TMEM116: variants seen among roughly 807,000 people sequenced by gnomAD.
TMEM116 encodes transmembrane protein 116.
TMEM116 carries 38 observed loss-of-function variants against 44.3 expected under a neutral mutation model. The ratio of observed to expected loss-of-function variants is 0.86; its 90% confidence interval spans 0.66 to 1.12. The LOEUF is 1.12. Among genes scored for constraint, TMEM116 ranks in the 50% most tolerant of loss-of-function variants. The pLI is 0.00. For missense variants in TMEM116, 354 were observed against 401.7 expected (o/e 0.88, Z 1.01); for synonymous variants, 132 against 144.8 (o/e 0.91, Z 0.64).
intron 5 of TMEM116, among the ~76,000 whole-genome samples, chr12:111,940,553 A>ATATGTG (rs1275181181): frequency 2.0e-4 from 25 of 126,286 alleles, no homozygotes; most frequent in African/African-American, 6.1e-4. Flanking sequence ...ATACACACAC[A>ATATGTG]CATATATATG....
At chr12:111,975,540 G>C (rs1273115116) in intron 4 of TMEM116, among the ~76,000 whole-genome samples, 1 of 152,186 alleles carries the variant, frequency 6.6e-6, no homozygotes, top group Non-Finnish European at 1.5e-5. Flanking sequence ...CACAATTGGA[G>C]AGCTAATACT....
intron 5 of TMEM116, 149 bp downstream of exon 5, chr12:111,943,116 G>C (rs947084075): frequency 4.3e-5 from 29 of 669,972 alleles, no homozygotes; most frequent in Non-Finnish European, 7.4e-5. Context: ...GTAGAGATGG[G>C]CTTTCACCAC....
intron 4 of TMEM116, among the ~76,000 whole-genome samples, chr12:111,964,480 AC>A (rs2074847956): frequency 6.6e-6 from 1 of 152,040 alleles, no homozygotes; most frequent in East Asian, 1.9e-4. Flanking sequence ...CACACAGATG[AC>A]ATTATGAACA....
intron 3 of TMEM116, among the ~76,000 whole-genome samples, chr12:111,998,671 A>G (rs1268918341): frequency 6.6e-6 from 1 of 152,178 alleles, no homozygotes; most frequent in East Asian, 1.9e-4. Flanking sequence ...ATACAAAAAA[A>G]TTAGCCAGGC....
At chr12:111,935,146 G>T (rs2072032996) in intron 8 of TMEM116, 1 of 152,198 alleles carries the variant, frequency 6.6e-6, no homozygotes, top group Admixed American at 6.5e-5. Context: ...CCGGGCTGGA[G>T]TGCAGTGGCA....
At chr12:111,938,248 T>C (rs1161057729) in intron 5 of TMEM116, 38 bp from the exon 6 acceptor site, 2 of 1,419,158 alleles carry the variant, frequency 1.4e-6, no homozygotes, top group African/African-American at 1.5e-5. Flanking sequence ...TCTTAAGACA[T>C]TGTCAATCAT....
At chr12:111,968,388 C>T (rs2075105829) in intron 4 of TMEM116, among the ~76,000 whole-genome samples, 2 of 152,110 alleles carry the variant, frequency 1.3e-5, no homozygotes, top group Admixed American at 6.5e-5. Flanking sequence ...AAAAGCAAGA[C>T]CTGAATGATT....
chr12:111,959,778 A>T (rs1248281891), intron 4 of TMEM116, among the ~76,000 whole-genome samples: 1 of 152,248 alleles, frequency 6.6e-6, no homozygotes, highest in Non-Finnish European at 1.5e-5. Flanking sequence ...ACATAATGGT[A>T]AAGGGATCAA....
intron 6 of TMEM116, among the ~76,000 whole-genome samples, chr12:111,937,804 TAA>T (rs1275145230): frequency 6.6e-6 from 1 of 152,228 alleles, no homozygotes; most frequent in Non-Finnish European, 1.5e-5. Flanking sequence ...TCTGTAATCC[TAA>T]GAGTCTTACC....
intron 3 of TMEM116, chr12:111,993,778 G>A: frequency 1.4e-6 from 1 of 722,354 alleles, no homozygotes; most frequent in Non-Finnish European, 2.6e-6. Context: ...TGTAACATTT[G>A]TAGCAGGTTA....
intron 2 of TMEM116, among the ~76,000 whole-genome samples, chr12:112,004,955 CTT>C (rs2077498760): frequency 1.3e-5 from 2 of 152,142 alleles, no homozygotes; most frequent in South Asian, 4.1e-4. Flanking sequence ...CCAATTTTCT[CTT>C]TGTCATTCCA....
rs2071641517 is a variant in TMEM116 at position 111,931,616 on chromosome 12, T to C, written c.*5A>G. On this transcript the variant is annotated 3_prime_UTR_variant, in exon 11 of 11. Coordinates refer to ENST00000552374, the MANE Select transcript of TMEM116 (RefSeq NM_001193531.2). ...CCAGTTCCTGGATGTTCCAGTATTGTAGTTTCAAAAAATGGTAGAAGTACT... is the reference window on the plus strand; with the variant it reads ...CCAGTTCCTGGATGTTCCAGTATTGCAGTTTCAAAAAATGGTAGAAGTACT... The C allele has an allele frequency of 2.5e-6, 4 of 1,612,936 alleles. No homozygotes were observed. In the South Asian group the frequency reaches 3.3e-5, roughly 13 times the overall value.
intron 3 of TMEM116, among the ~76,000 whole-genome samples, chr12:111,999,235 TACTTAGAAATTCA>T (rs2077101203): frequency 6.6e-6 from 1 of 152,068 alleles, no homozygotes; most frequent in African/African-American, 2.4e-5. Context: ...CCTTTTTTTT[TACTTAGAAATTCA>T]ACTTTATTTA....
intron 4 of TMEM116, among the ~76,000 whole-genome samples, chr12:111,951,506 G>A (rs1260484653): frequency 6.6e-6 from 1 of 152,170 alleles, no homozygotes; most frequent in Non-Finnish European, 1.5e-5. Flanking sequence ...ACAAGATCAT[G>A]TCCTTTTCAG....
At chr12:111,958,242 T>A (rs2074299084) in intron 4 of TMEM116, among the ~76,000 whole-genome samples, 1 of 101,958 alleles carries the variant, frequency 9.8e-6, no homozygotes, top group Non-Finnish European at 1.8e-5. Context: ...CAAATCCCCC[T>A]CTCCGAGAAA....
chr12:112,008,659 T>C (rs1305121448), intron 1 of TMEM116, among the ~76,000 whole-genome samples: 1 of 151,998 alleles, frequency 6.6e-6, no homozygotes, highest in Non-Finnish European at 1.5e-5. Flanking sequence ...AACCAAAAAG[T>C]TTTCTAAAAA....
In TMEM116 at chr12:111,931,389, A is replaced by G; in HGVS notation, c.*232T>C. On this transcript the variant is annotated 3_prime_UTR_variant, in exon 11 of 11. Transcript: ENST00000552374. Reference sequence around the variant, plus strand: ...ACACGAGTCTATCTCTGAGATGGAAAGTGTCTTCCTCTCCCTGAATAGAGA... The same window carrying G: ...ACACGAGTCTATCTCTGAGATGGAAGGTGTCTTCCTCTCCCTGAATAGAGA... 1.9e-6 allele frequency: 1 copy of G among 530,792 alleles called. No homozygotes were observed. The highest frequency in any genetic ancestry group is 3.3e-6 in the Non-Finnish European group (1 of 300,814). The allele number at this position is 530,792 out of a possible 1,614,324, so 32.9% of individuals were successfully genotyped here. A position where few individuals can be genotyped will look rare whatever the true frequency, so the allele number is the denominator to read the frequency against.
At chr12:111,973,220 A>G (rs2075467242) in intron 4 of TMEM116, among the ~76,000 whole-genome samples, 1 of 152,386 alleles carries the variant, frequency 6.6e-6, no homozygotes, top group South Asian at 2.1e-4. Flanking sequence ...TTACATTATC[A>G]ATAACAGCAT....
intron 4 of TMEM116, among the ~76,000 whole-genome samples, chr12:111,969,726 C>A (rs566913461): frequency 2.6e-5 from 4 of 152,044 alleles, no homozygotes; most frequent in Non-Finnish European, 5.9e-5. Context: ...TACAAGTGCC[C>A]GCCACTGCGC....
Sources: allele counts gnomAD v4.1 joint callset (sites outside exome capture counted in the v4.1 genomes callset), GRCh38; gene constraint gnomAD v4.1.1; transcripts MANE v1.5; gene names NCBI Gene and HGNC (gene_info 2026-07-23, HGNC 2026-07-21).